WASHC4: variants seen among roughly 807,000 people sequenced by gnomAD.
The protein encoded by WASHC4 is WASH complex subunit 7.
In WASHC4, 86 loss-of-function variants were observed where a neutral mutation model predicts 166.6. The observed-to-expected ratio is 0.52, with a 90% CI of 0.43 to 0.62. The LOEUF (loss-of-function observed/expected upper bound fraction) is 0.62, where lower values mean the gene tolerates loss of function less well. WASHC4 is among the 20% of genes least tolerant of loss of function. WASHC4 has a pLI of 0.00. For synonymous variants in WASHC4, 446 were observed against 451.6 expected (o/e 0.99, Z 0.16); for missense variants, 1,262 against 1,382.4 (o/e 0.91, Z 1.38).
At position 105,139,425 on chromosome 12, in the gene WASHC4, G is replaced by GTGTGTGTGTGTGTGTA; in HGVS notation, c.1453-868_1453-867insGTGTGTGTGTGTGTAT. On this transcript the variant is annotated intron_variant, in intron 15 of 32. Coordinates refer to ENST00000332180, the MANE Select transcript of WASHC4 (RefSeq NM_015275.3). ...AGACAGACTATATATATGTGTGTGT[G>GTGTGTGTGTGTGTGTA]TATATATATATATATATATATATAT... 1.6e-3 allele frequency among the ~76,000 whole-genome samples: 160 copies of GTGTGTGTGTGTGTGTA among 103,198 alleles called. 2 individuals are homozygous for GTGTGTGTGTGTGTGTA. The highest frequency in any genetic ancestry group is 7.8e-3 in the East Asian group (28 of 3,600). The allele number at this position is 103,198 out of a possible 152,430, so 67.7% of individuals were successfully genotyped here.
chr12:105,155,380 CA>C (rs552371341), intron 26 of WASHC4, among the ~76,000 whole-genome samples: 716 of 55,288 alleles, frequency 0.013, 7 homozygotes, highest in African/African-American at 0.048. Flanking sequence ...ACAGTAAGTG[CA>C]AAAGCCCTGA....
intron 25 of WASHC4, among the ~76,000 whole-genome samples, chr12:105,150,459 C>T (rs552298334): frequency 6.6e-6 from 1 of 152,300 alleles, no homozygotes; most frequent in East Asian, 1.9e-4. Flanking sequence ...AAAAACACTT[C>T]ACTATTGATA....
intron 6 of WASHC4, among the ~76,000 whole-genome samples, chr12:105,116,570 T>TCTGATGTACAACATG (rs1358036015): frequency 2.8e-4 from 42 of 152,168 alleles, no homozygotes; most frequent in Non-Finnish European, 5.3e-4. Context: ...TTACAGGTAA[T>TCTGATGTACAACATG]AAAATACCGT....
chr12:105,157,127 C>T, intron 27 of WASHC4, 109 bp from the exon 28 acceptor site: 2 of 677,710 alleles, frequency 3.0e-6, no homozygotes, highest in Non-Finnish European at 5.3e-6. Flanking sequence ...ACAGTTGTTT[C>T]CAAATACATA....
Position 105,162,815 on chromosome 12 carries a change from G to A in WASHC4, c.3127G>A (p.Ala1043Thr). 1.2e-6 allele frequency: 2 copies of A among 1,601,652 alleles called. No individual in the cohort carries two copies. The highest frequency in any genetic ancestry group is 1.7e-6 in the Non-Finnish European group (2 of 1,170,936). The change falls in exon 30 of 33, where the codon GCT (alanine) becomes ACT (threonine). Residue 1043 changes from alanine (A) to threonine (T), a missense_variant. Ala to Thr is a moderately conservative substitution (Grantham distance 58, BLOSUM62 0). Transcript: ENST00000332180. ...ATTAAATAAAAAAAATAAAATTGGA[G>A]CTGCCTTTACTGATGATGGCTTTGC... Reference protein sequence around the residue: ...EKLNKKNKIGAAFTDDGFAMG... With the variant: ...EKLNKKNKIGTAFTDDGFAMG...
chr12:105,112,952 A>G (rs1236996639), intron 2 of WASHC4, among the ~76,000 whole-genome samples: 2 of 152,252 alleles, frequency 1.3e-5, no homozygotes, highest in East Asian at 1.9e-4. Flanking sequence ...CCCTTATCCA[A>G]TACCCTGAAC....
intron 26 of WASHC4, among the ~76,000 whole-genome samples, chr12:105,155,413 T>C (rs1459518321): frequency 6.6e-6 from 1 of 151,958 alleles, no homozygotes; most frequent in Non-Finnish European, 1.5e-5. Flanking sequence ...TTTTGAGAAA[T>C]AGGGGCTGGA....
At chr12:105,120,635 A>G in intron 8 of WASHC4, 38 bp downstream of exon 8, 1 of 1,421,086 alleles carries the variant, frequency 7.0e-7, no homozygotes, top group South Asian at 1.1e-5. Flanking sequence ...AACTGTAATT[A>G]TTACTATATT....
intron 13 of WASHC4, among the ~76,000 whole-genome samples, chr12:105,131,322 A>T (rs1340124183): frequency 6.0e-5 from 9 of 150,822 alleles, no homozygotes; most frequent in Non-Finnish European, 1.0e-4. Context: ...TCCTGACCTC[A>T]TGATCCACCC....
intron 10 of WASHC4, among the ~76,000 whole-genome samples, chr12:105,124,441 T>C (rs1036510883): frequency 6.6e-6 from 1 of 152,048 alleles, no homozygotes; most frequent in Middle Eastern, 3.4e-3. Context: ...GGTGTGCCTG[T>C]ATTGTGTTTG....
chr12:105,142,888 A>T (rs1882984820), intron 19 of WASHC4, among the ~76,000 whole-genome samples: 1 of 152,090 alleles, frequency 6.6e-6, no homozygotes, highest in South Asian at 2.1e-4. Context: ...TCTTTATGGA[A>T]ATAAGTGTGT....
intron 30 of WASHC4, among the ~76,000 whole-genome samples, chr12:105,163,500 T>A (rs1025479404): frequency 6.6e-6 from 1 of 151,826 alleles, no homozygotes; most frequent in Non-Finnish European, 1.5e-5. Context: ...GCAGTTGAAG[T>A]GTTTTTTTCC....
At chr12:105,136,389 G>C (rs1023845783) in intron 14 of WASHC4, among the ~76,000 whole-genome samples, 5 of 151,896 alleles carry the variant, frequency 3.3e-5, no homozygotes, top group Non-Finnish European at 7.4e-5. Flanking sequence ...AATCCTCTTT[G>C]ATGCCTTATG....
At chr12:105,119,046 G>C (rs1880467406) in intron 7 of WASHC4, among the ~76,000 whole-genome samples, 1 of 152,176 alleles carries the variant, frequency 6.6e-6, no homozygotes. Flanking sequence ...TTGGTTACAT[G>C]GGAGTTGGAG....
intron 13 of WASHC4, among the ~76,000 whole-genome samples, chr12:105,128,309 A>G (rs527279765): frequency 6.6e-6 from 1 of 152,360 alleles, no homozygotes; most frequent in South Asian, 2.1e-4. Flanking sequence ...TTAAAAACAA[A>G]TGTTTAGATT....
chr12:105,111,318 C>T, intron 2 of WASHC4, 54 bp downstream of exon 2: 5 of 1,122,874 alleles, frequency 4.5e-6, no homozygotes, highest in Non-Finnish European at 6.4e-6. Flanking sequence ...CATACTATAT[C>T]CTGAAAACAT....
intron 28 of WASHC4, among the ~76,000 whole-genome samples, chr12:105,157,900 G>T (rs1461687217): frequency 1.1e-5 from 1 of 87,294 alleles, no homozygotes; most frequent in Non-Finnish European, 2.5e-5. Flanking sequence ...TTGTGCATTT[G>T]TCCCATAACA....
At chr12:105,135,379 T>G (rs1882217945) in intron 14 of WASHC4, among the ~76,000 whole-genome samples, 1 of 151,814 alleles carries the variant, frequency 6.6e-6, no homozygotes, top group Non-Finnish European at 1.5e-5. Flanking sequence ...TTTGCTGTGT[T>G]AGAATTCTAG....
At chr12:105,161,375 T>C (rs1049176721) in intron 29 of WASHC4, among the ~76,000 whole-genome samples, 1 of 152,222 alleles carries the variant, frequency 6.6e-6, no homozygotes, top group Admixed American at 6.5e-5. Context: ...TCTTTTCATC[T>C]TAAGATAGTG....
Sources: allele counts gnomAD v4.1 joint callset (sites outside exome capture counted in the v4.1 genomes callset), GRCh38; gene constraint gnomAD v4.1.1; transcripts MANE v1.5; gene names NCBI Gene and HGNC (gene_info 2026-07-23, HGNC 2026-07-21).